NOD1: variants seen among roughly 807,000 people sequenced by gnomAD.
The protein encoded by NOD1 is nucleotide-binding oligomerization domain-containing protein 1.
NOD1 carries 70 observed loss-of-function variants against 81.2 expected under a neutral mutation model. The ratio of observed to expected loss-of-function variants is 0.86; its 90% CI spans 0.71 to 1.05. The LOEUF is 1.05. Among genes scored for constraint, NOD1 ranks in the 50% least tolerant of loss-of-function variants. The pLI is 0.00. For missense variants in NOD1, 1,233 were observed against 1,228.0 expected, an observed-to-expected ratio of 1.00 and a Z score of -0.06; for synonymous variants, 508 against 526.9, an observed-to-expected ratio of 0.96 and a Z score of 0.49.
chr7:30,433,039 T>C, intron 12 of NOD1, 57 bp downstream of exon 12: 1 of 1,351,832 alleles, frequency 7.4e-7, no homozygotes, highest in Non-Finnish European at 1.1e-6. Flanking sequence ...AAATTTTATC[T>C]CAAAAAATAC....
chr7:30,427,263 T>C (rs868270719), intron 13 of NOD1, among the ~76,000 whole-genome samples: 61 of 152,230 alleles, frequency 4.0e-4, no homozygotes, highest in African/African-American at 1.4e-3. Flanking sequence ...CAGTGTTCAT[T>C]GTTCACCTCT....
intron 1 of NOD1, among the ~76,000 whole-genome samples, chr7:30,473,155 A>C (rs2709800): frequency 0.53 from 80,656 of 151,994 alleles, 22,844 homozygotes; most frequent in African/African-American, 0.74. Flanking sequence ...AATGCTAAAG[A>C]AGCCACACCT....
chr7:30,471,860 CTAGGAGGCCCATATGCATTTA>C lies in NOD1; in HGVS notation c.-352+6725_-352+6745del, dbSNP rs951004537. On this transcript the variant is annotated intron_variant, in intron 1 of 13. Transcript: ENST00000222823. Reference sequence around the variant, plus strand: ...GCTCCTGATGAAGGATGCCGGGTGCCTAGGAGGCCCATATGCATTTACACTCATCTGTCCCAGAAAACTACA... The same window carrying C: ...GCTCCTGATGAAGGATGCCGGGTGCCCACTCATCTGTCCCAGAAAACTACA... Among the ~76,000 whole-genome samples, 9 of 152,286 alleles carry C rather than the reference CTAGGAGGCCCATATGCATTTA, an allele frequency of 5.9e-5. No individual in the cohort carries two copies. In the East Asian group the frequency reaches 1.7e-3, roughly 29 times the overall value.
At position 30,451,800 on chromosome 7, in the gene NOD1, C is replaced by T. The variant is rs1332238497; in HGVS notation, c.1617G>A (p.Glu539=). 2 of 1,613,794 alleles carry T rather than the reference C, an allele frequency of 1.2e-6. No individual in the cohort carries two copies. Among genetic ancestry groups the T allele is most frequent in the Admixed American group, 1.7e-5 (1 of 60,020 alleles). ...TCCACTCCTGGAAGAACCTGAGCAG[C>T]TCCTGAGTGCCCACCCTGTCGTCCA... ...LVLDDRVGTQ[E]LLRFFQEWMP... is the part of the protein sequence containing the mutation. Residue 539 remains glutamate, a synonymous_variant, in exon 6 of 14, where the codon GAG becomes GAA. Transcript: ENST00000222823. This position sits in a 1 kb window ranked among gnomAD's most constrained non-coding sequence, Gnocchi z 4.2.
chr7:30,473,256 C>T (rs1366856346), intron 1 of NOD1, among the ~76,000 whole-genome samples: 2 of 152,168 alleles, frequency 1.3e-5, no homozygotes, highest in South Asian at 4.1e-4. Flanking sequence ...GAGGCCAAAG[C>T]CACTGGGGTA....
At position 30,451,556 on chromosome 7, in the gene NOD1, A is replaced by G. The variant is rs781660148; in HGVS notation, c.1861T>C (p.Trp621Arg). The change falls in exon 6 of 14, where the codon TGG becomes CGG. Residue 621 changes from tryptophan to arginine, a missense_variant. Physicochemically the swap from Trp to Arg is moderately radical, Grantham distance 101. Coordinates refer to ENST00000222823, the MANE Select transcript of NOD1 (RefSeq NM_006092.4). This position sits in a 1 kb window ranked among gnomAD's most constrained non-coding sequence, Gnocchi z 4.2. ...AALRRKRKALWAHLFSSLRGY... is the reference protein window; with the variant it reads ...AALRRKRKALRAHLFSSLRGY... The stretch of plus-strand genomic sequence containing the variant: ...CGCAGGCTGGAAAACAGGTGTGCCC[A>G]CAGGGCCTTGCGCTTTCTCCTCAGG... 4 of 1,613,424 alleles carry G rather than the reference A, an allele frequency of 2.5e-6. No homozygotes were observed. In the East Asian group the frequency reaches 6.7e-5, roughly 27 times the overall value.
chr7:30,425,549 C>T lies in NOD1; in HGVS notation c.*89G>A. 1 of 956,136 alleles carries T rather than the reference C, an allele frequency of 1.0e-6. No homozygotes were observed. Among genetic ancestry groups the T allele is most frequent in the East Asian group, 2.4e-5 (1 of 41,848 alleles). The allele number at this position is 956,136 out of a possible 1,614,324, so 59.2% of individuals were successfully genotyped here. A position where few individuals can be genotyped will look rare whatever the true frequency, so the allele number is the denominator to read the frequency against. ...CTGATAGTCCCGCCTGCGCAGGCCC[C>T]TTTAAGACACTGACACAAAAGACTG... is the stretch of plus-strand genomic sequence containing the variant. On this transcript the variant is annotated 3_prime_UTR_variant, in exon 14 of 14. Transcript: ENST00000222823.
At chr7:30,465,725 T>A (rs1787628519) in intron 1 of NOD1, among the ~76,000 whole-genome samples, 1 of 152,204 alleles carries the variant, frequency 6.6e-6, no homozygotes, top group Non-Finnish European at 1.5e-5. Context: ...GTTGCAACAG[T>A]AGCAGCTAAG....
intron 9 of NOD1, among the ~76,000 whole-genome samples, 191 bp downstream of exon 9, chr7:30,445,950 G>A (rs1056605402): frequency 6.6e-6 from 1 of 151,934 alleles, no homozygotes; most frequent in Non-Finnish European, 1.5e-5. Flanking sequence ...GCAGGGGGGA[G>A]GGGGACCGGG....
intron 6 of NOD1, among the ~76,000 whole-genome samples, chr7:30,450,126 G>A (rs766199564): frequency 2.1e-4 from 32 of 152,078 alleles, no homozygotes; most frequent in Admixed American, 1.4e-3. Flanking sequence ...CCCAGGAGGC[G>A]GAGGTTGCAG....
chr7:30,467,086 TAGAA>T lies in NOD1; in HGVS notation c.-351-7049_-351-7046del, dbSNP rs1271355807. Among the ~76,000 whole-genome samples, 1 of 152,142 alleles carries T rather than the reference TAGAA, an allele frequency of 6.6e-6. No individual in the cohort carries two copies. The highest frequency in any genetic ancestry group is 2.4e-5 in the African/African-American group (1 of 41,424). On this transcript the variant is annotated intron_variant, in intron 1 of 13. Transcript: ENST00000222823. The surrounding 1 kb of genome is among the most constrained non-coding windows in gnomAD (Gnocchi z 4.5). ...CACGGTGGAGCTGCATGTACTGACA[TAGAA>T]AGAGCCTTAAGACATCCTGTCACTT...
chr7:30,433,089 G>A lies in NOD1; in HGVS notation c.2705+7C>T. 6.2e-7 allele frequency: 1 copy of A among 1,601,016 alleles called. No homozygotes were observed. Among genetic ancestry groups the A allele is most frequent in the South Asian group, 1.1e-5 (1 of 90,642 alleles). ...ACAGTCTGAAATTGTAAGGCTCTCT[G>A]AGTTACCATAAATGCTTTAACGTCT... On this transcript the variant is annotated splice_region_variant and intron_variant, in intron 12 of 13. Transcript: ENST00000222823.
intron 13 of NOD1, among the ~76,000 whole-genome samples, chr7:30,427,630 C>T (rs1397910293): frequency 6.6e-6 from 1 of 152,210 alleles, no homozygotes; most frequent in African/African-American, 2.4e-5. Context: ...CTGTCCTGCC[C>T]TCTCTGAATT....
In NOD1 at chr7:30,451,833, G is replaced by C. The variant is rs994316916; in HGVS notation, c.1584C>G (p.Phe528Leu). ...LTLQAFFTAF[F>L]LVLDDRVGTQ... is the part of the protein sequence containing the mutation. ...TGCCCACCCTGTCGTCCAGCACGAG[G>C]AAGAAGGCTGTAAAGAAGGCCTGGA... is the stretch of plus-strand genomic sequence containing the variant. The change falls in exon 6 of 14, where the codon TTC (phenylalanine) becomes TTG (leucine). Residue 528 changes from phenylalanine to leucine, a missense_variant. Phe to Leu is a conservative substitution (Grantham distance 22, BLOSUM62 0). Coordinates refer to ENST00000222823, the MANE Select transcript of NOD1 (RefSeq NM_006092.4). This position sits in a 1 kb window ranked among gnomAD's most constrained non-coding sequence, Gnocchi z 4.2. 1 of 1,613,740 alleles carries C rather than the reference G, an allele frequency of 6.2e-7. No individual in the cohort carries two copies. Among genetic ancestry groups the C allele is most frequent in the Admixed American group, 1.7e-5 (1 of 60,012 alleles).
At chr7:30,426,752 C>T (rs916824265) in intron 13 of NOD1, among the ~76,000 whole-genome samples, 3 of 152,138 alleles carry the variant, frequency 2.0e-5, no homozygotes, top group African/African-American at 7.2e-5. Context: ...CTGTCTGAAC[C>T]CTGGGGCACA....
chr7:30,430,230 A>G (rs1288469999), intron 12 of NOD1, among the ~76,000 whole-genome samples: 1 of 152,194 alleles, frequency 6.6e-6, no homozygotes, highest in Non-Finnish European at 1.5e-5. Flanking sequence ...CATGGGGCTC[A>G]GTGGAAAAGC....
rs1312895406 is a variant in NOD1 at position 30,477,792 on chromosome 7, A to AT, written c.-352+813dup. On this transcript the variant is annotated intron_variant, in intron 1 of 13. Coordinates refer to ENST00000222823, the MANE Select transcript of NOD1 (RefSeq NM_006092.4). ...TGCCTTGGCCTCCCAAAGTGCTGGG[A>AT]TTACAGGCGTGAGCCACCGCGCCCG... Among the ~76,000 whole-genome samples the AT allele has an allele frequency of 2.0e-5, 3 of 151,348 alleles. No individual in the cohort carries two copies. In the East Asian group the frequency reaches 5.9e-4, roughly 30 times the overall value.
chr7:30,476,051 C>T (rs1788746294), intron 1 of NOD1: 1 of 152,114 alleles, frequency 6.6e-6, no homozygotes, highest in South Asian at 2.1e-4. Flanking sequence ...CTCTGCATGA[C>T]AAAAATTCAG....
Position 30,446,972 on chromosome 7 carries a change from A to G in NOD1, c.2364T>C (p.His788=). The change falls in exon 8 of 14, where the codon CAT becomes CAC. Residue 788 remains histidine, a synonymous_variant. Coordinates refer to ENST00000222823, the MANE Select transcript of NOD1 (RefSeq NM_006092.4). The stretch of plus-strand genomic sequence containing the variant: ...CTGGTGCCTACCCCACTTACTTAAG[A>G]TGCGTGAGGCCTTTGCATTCATCCA... The part of the protein sequence containing the change: ...KILDECKGLT[H]LKLGKNKITS... 6.2e-7 allele frequency: 1 copy of G among 1,613,136 alleles called. No individual in the cohort carries two copies. Among genetic ancestry groups the G allele is most frequent in the Non-Finnish European group, 8.5e-7 (1 of 1,179,402 alleles).
Sources: gnomAD v4.1 joint callset for allele counts (sites outside exome capture counted in the v4.1 genomes callset) on GRCh38, gnomAD v4.1.1 for gene constraint, Gnocchi (gnomAD v3.1) non-coding constraint, MANE v1.5 for transcripts, NCBI Gene and HGNC (gene_info 2026-07-23, HGNC 2026-07-21) for gene names.